The following DNAJB4 variants were observed in gnomAD, a reference collection of about 807,000 sequenced individuals.
DNAJB4 encodes dnaJ homolog subfamily B member 4.
Under a neutral mutation model 26.6 loss-of-function variants are expected in DNAJB4, and 10 were observed. The observed-to-expected ratio is 0.38, with a 90% CI of 0.23 to 0.64. DNAJB4 has a LOEUF of 0.64. Among genes scored for constraint, DNAJB4 ranks in the 30% least tolerant of loss-of-function variants. DNAJB4 has a pLI of 0.58. For missense variants in DNAJB4, 328 were observed against 408.2 expected (o/e 0.80, Z 1.69); for synonymous variants, 136 against 134.8 (o/e 1.01, Z -0.06).
At chr1:77,990,230 T>A (rs978879779) in intron 1 of DNAJB4, among the ~76,000 whole-genome samples, 1 of 152,182 alleles carries the variant, frequency 6.6e-6, no homozygotes, top group Admixed American at 6.5e-5. Flanking sequence ...CTTCTGTCTT[T>A]TTTATTGTCT....
chr1:78,013,672 T>G, intron 2 of DNAJB4, 53 bp downstream of exon 2: 1 of 1,344,696 alleles, frequency 7.4e-7, no homozygotes, highest in Non-Finnish European at 1.0e-6. Flanking sequence ...TAGTTGATCA[T>G]AGGGAGTGTA....
At chr1:78,005,400 C>A in intron 1 of DNAJB4, 79 bp downstream of exon 1, 1 of 1,228,356 alleles carries the variant, frequency 8.1e-7, no homozygotes, top group Non-Finnish European at 1.1e-6. Context: ...CAGCCTTTTT[C>A]CCCTCTCTCT....
chr1:78,012,916 G>A lies in DNAJB4; in HGVS notation c.212-135G>A, dbSNP rs573291029. ...GAGTTTTATAGCTGTTCTGTATTTA[G>A]TAAAGTGGCATTTCTGGCCAATATT... On this transcript the variant is annotated intron_variant, in intron 1 of 2. Coordinates refer to ENST00000370763, the MANE Select transcript of DNAJB4 (RefSeq NM_007034.5). 1.1e-3 allele frequency: 742 copies of A among 651,756 alleles called. 12 individuals are homozygous for A. The South Asian group carries it at 0.019, about 17-fold the overall frequency. The allele number at this position is 651,756 out of a possible 1,614,324, so 40.4% of individuals were successfully genotyped here. A position where few individuals can be genotyped will look rare whatever the true frequency, so the allele number is the denominator to read the frequency against.
intron 1 of DNAJB4, among the ~76,000 whole-genome samples, chr1:77,988,805 TC>T (rs925795446): frequency 6.6e-6 from 1 of 152,176 alleles, no homozygotes; most frequent in East Asian, 1.9e-4. Context: ...TTATTGTATC[TC>T]CCCCTACTAG....
At chr1:77,993,356 C>G (rs1659982069) in intron 1 of DNAJB4, among the ~76,000 whole-genome samples, 1 of 151,866 alleles carries the variant, frequency 6.6e-6, no homozygotes, top group Non-Finnish European at 1.5e-5. Context: ...GCTCTGTCAC[C>G]CAGGCTGGAG....
At chr1:77,982,287 A>C (rs553040774) in intron 1 of DNAJB4, among the ~76,000 whole-genome samples, 1 of 152,230 alleles carries the variant, frequency 6.6e-6, no homozygotes, top group South Asian at 2.1e-4. Context: ...TAAAATTCAT[A>C]TATTTACTGT....
chr1:77,988,047 A>C, intron 1 of DNAJB4, among the ~76,000 whole-genome samples: 1 of 122,890 alleles, frequency 8.1e-6, no homozygotes, highest in Non-Finnish European at 1.7e-5. Flanking sequence ...CCCCCCCCAG[A>C]CAGTGTCTCA....
chr1:77,988,042 C>A (rs934607044), intron 1 of DNAJB4, among the ~76,000 whole-genome samples: 105 of 140,762 alleles, frequency 7.5e-4, no homozygotes, highest in African/African-American at 2.5e-3. Flanking sequence ...TCCCCCCCCC[C>A]CCAGACAGTG....
chr1:77,990,305 A>G (rs1045433503), intron 1 of DNAJB4, among the ~76,000 whole-genome samples: 1 of 152,132 alleles, frequency 6.6e-6, no homozygotes, highest in Non-Finnish European at 1.5e-5. Flanking sequence ...TTCTTTCCAA[A>G]AATTGTTCCT....
intron 1 of DNAJB4, among the ~76,000 whole-genome samples, chr1:77,988,282 C>G (rs1659848094): frequency 6.6e-6 from 1 of 152,078 alleles, no homozygotes; most frequent in Non-Finnish European, 1.5e-5. Context: ...CTCAGCATTC[C>G]AAAGTGCTGG....
At position 78,005,212 on chromosome 1, in the gene DNAJB4, C is replaced by T; in HGVS notation, c.102C>T (p.Asp34=). The part of the protein sequence containing the change: ...YRKQALKFHP[D]KNKSPQAEEK... ...AACAAGCCCTCAAATTTCATCCGGA[C>T]AAGAACAAATCTCCTCAGGCAGAGG... is the stretch of plus-strand genomic sequence containing the variant. The change falls in exon 1 of 3, where the codon GAC becomes GAT. Residue 34 remains aspartate (D), a synonymous_variant. Coordinates refer to ENST00000370763, the MANE Select transcript of DNAJB4 (RefSeq NM_007034.5). 1.2e-6 allele frequency: 2 copies of T among 1,614,026 alleles called. No individual in the cohort carries two copies. The highest frequency in any genetic ancestry group is 8.5e-7 in the Non-Finnish European group (1 of 1,179,962).
At chr1:78,012,186 A>G (rs1215485267) in intron 1 of DNAJB4, among the ~76,000 whole-genome samples, 2 of 81,658 alleles carry the variant, frequency 2.4e-5, no homozygotes, top group Non-Finnish European at 4.7e-5. Context: ...TTTTTGAGAC[A>G]GAGTCTCACA....
intron 1 of DNAJB4, among the ~76,000 whole-genome samples, chr1:77,987,189 C>T (rs1659811697): frequency 6.6e-6 from 1 of 152,204 alleles, no homozygotes; most frequent in African/African-American, 2.4e-5. Context: ...AGGACTCAAT[C>T]CTTGTGCCCT....
chr1:78,000,710 C>G (rs901329350), upstream of DNAJB4, among the ~76,000 whole-genome samples: 1 of 152,094 alleles, frequency 6.6e-6, no homozygotes, highest in African/African-American at 2.4e-5. Flanking sequence ...CATGGCCAGG[C>G]GTGGTGGCTC....
chr1:77,991,376 G>A (rs187219900), intron 1 of DNAJB4, among the ~76,000 whole-genome samples: 33 of 152,272 alleles, frequency 2.2e-4, no homozygotes, highest in Admixed American at 3.9e-4. Flanking sequence ...AAATGTATTT[G>A]TAACCCCAAA....
chr1:77,988,762 C>T (rs954470037), intron 1 of DNAJB4, among the ~76,000 whole-genome samples: 1 of 152,176 alleles, frequency 6.6e-6, no homozygotes, highest in Non-Finnish European at 1.5e-5. Flanking sequence ...GCTTTTATCA[C>T]CGTCTAACAC....
upstream of DNAJB4, among the ~76,000 whole-genome samples, chr1:78,002,302 G>A (rs1181938216): frequency 1.3e-5 from 2 of 151,870 alleles, no homozygotes; most frequent in Admixed American, 6.6e-5. Context: ...CCAAATTGCC[G>A]CATTCATATC....
upstream of DNAJB4, chr1:78,004,274 GTATT>G (rs1291851467): frequency 6.6e-6 from 1 of 152,166 alleles, no homozygotes; most frequent in Non-Finnish European, 1.5e-5. Context: ...TCAAAAATAA[GTATT>G]TGTTTGCCAG....
intron 1 of DNAJB4, among the ~76,000 whole-genome samples, chr1:77,985,634 TAAC>T (rs1659773631): frequency 1.3e-5 from 2 of 152,182 alleles, no homozygotes; most frequent in Non-Finnish European, 2.9e-5. Context: ...TTTAGATTCT[TAAC>T]AACCTTGCTC....
Sources: gnomAD v4.1 joint callset for allele counts (sites outside exome capture counted in the v4.1 genomes callset) on GRCh38, gnomAD v4.1.1 for gene constraint, MANE v1.5 for transcripts, NCBI Gene and HGNC (gene_info 2026-07-23, HGNC 2026-07-21) for gene names.